Variants in WASHC3 observed in about 807,000 individuals in gnomAD.
The protein encoded by WASHC3 is WASH complex subunit CCDC53.
WASHC3 carries 24 observed loss-of-function variants against 26.1 expected under a neutral mutation model. The ratio of observed to expected loss-of-function variants is 0.92; its 90% CI spans 0.66 to 1.29. WASHC3 has a LOEUF of 1.29. WASHC3 is among the 50% of genes most tolerant of loss of function. WASHC3 has a pLI of 0.00. For missense variants in WASHC3, 214 were observed against 229.6 expected, an observed-to-expected ratio of 0.93 and a Z score of 0.44; for synonymous variants, 77 against 75.7, an observed-to-expected ratio of 1.02 and a Z score of -0.09.
intron 2 of WASHC3, among the ~76,000 whole-genome samples, chr12:102,056,226 T>C (rs1007157218): frequency 1.3e-5 from 2 of 152,360 alleles, no homozygotes; most frequent in South Asian, 2.1e-4. Context: ...GCCTAAGATA[T>C]CTGAGCATCT....
intron 2 of WASHC3, among the ~76,000 whole-genome samples, chr12:102,059,195 G>A (rs964907950): frequency 1.3e-5 from 2 of 152,092 alleles, no homozygotes; most frequent in Admixed American, 1.3e-4. Context: ...GATTTTAAGT[G>A]TGCTCACCAC....
intron 6 of WASHC3, among the ~76,000 whole-genome samples, chr12:102,019,051 A>C (rs1393040122): frequency 6.6e-6 from 1 of 152,090 alleles, no homozygotes; most frequent in Non-Finnish European, 1.5e-5. Flanking sequence ...TGCTCGCCTC[A>C]GCCTCCCAAA....
At position 102,053,703 on chromosome 12, in the gene WASHC3, T is replaced by C. The variant is rs116177781; in HGVS notation, c.150+7545A>G. ...TCAATGAAATCAAGAAAATAATAAA[T>C]GACCAAAATGAGAAATGTAACAGAA... On this transcript the variant is annotated intron_variant, in intron 2 of 6. Transcript: ENST00000240079. Among the ~76,000 whole-genome samples, 1,467 of 152,034 alleles carry C rather than the reference T, an allele frequency of 9.6e-3. 20 individuals carry two copies. Among genetic ancestry groups the C allele is most frequent in the African/African-American group, 0.033 (1,386 of 41,474 alleles).
At chr12:102,058,704 A>G (rs1427097823) in intron 2 of WASHC3, among the ~76,000 whole-genome samples, 1 of 152,182 alleles carries the variant, frequency 6.6e-6, no homozygotes, top group Admixed American at 6.5e-5. Flanking sequence ...ACTTCTGGGT[A>G]TATATCCAAA....
chr12:102,027,584 A>G (rs916478118), intron 5 of WASHC3, among the ~76,000 whole-genome samples: 6 of 152,196 alleles, frequency 3.9e-5, no homozygotes, highest in Non-Finnish European at 8.8e-5. Context: ...TTTATGTAAA[A>G]AAATTTAATT....
chr12:102,015,034 G>A (rs1036569877), intron 6 of WASHC3, among the ~76,000 whole-genome samples: 6 of 152,146 alleles, frequency 3.9e-5, no homozygotes, highest in African/African-American at 1.2e-4. Context: ...CAGGGATGTC[G>A]ATTCATGCCT....
At chr12:102,021,237 G>T (rs564517993) in intron 6 of WASHC3, among the ~76,000 whole-genome samples, 14 of 152,230 alleles carry the variant, frequency 9.2e-5, no homozygotes, top group African/African-American at 3.1e-4. Flanking sequence ...AGATCAATTT[G>T]GTCTTTTCTC....
At chr12:102,056,204 G>A (rs1594373050) in intron 2 of WASHC3, among the ~76,000 whole-genome samples, 1 of 152,222 alleles carries the variant, frequency 6.6e-6, no homozygotes, top group East Asian at 1.9e-4. Context: ...TGGCAATGGT[G>A]GACTTAATTC....
intron 2 of WASHC3, chr12:102,048,353 A>G (rs1477248140): frequency 6.6e-6 from 1 of 152,198 alleles, no homozygotes; most frequent in Non-Finnish European, 1.5e-5. Flanking sequence ...AGGCAGGTGT[A>G]TCATCTGAGG....
At chr12:102,016,674 T>A (rs1036826134) in intron 6 of WASHC3, among the ~76,000 whole-genome samples, 1 of 152,200 alleles carries the variant, frequency 6.6e-6, no homozygotes, top group African/African-American at 2.4e-5. Context: ...TCAGACAGGA[T>A]ATGGAGAACA....
chr12:102,061,650 G>A (rs761384626), intron 1 of WASHC3, among the ~76,000 whole-genome samples: 3 of 152,210 alleles, frequency 2.0e-5, no homozygotes, highest in Non-Finnish European at 2.9e-5. Context: ...TATCGCAACC[G>A]GCGTGTGTCG....
intron 2 of WASHC3, among the ~76,000 whole-genome samples, chr12:102,058,782 G>C (rs1878690595): frequency 1.3e-5 from 2 of 152,106 alleles, no homozygotes; most frequent in South Asian, 4.1e-4. Context: ...ATTCACAATA[G>C]CCAAGATACG....
intron 6 of WASHC3, among the ~76,000 whole-genome samples, chr12:102,016,956 A>G (rs1198091741): frequency 6.6e-6 from 1 of 152,208 alleles, no homozygotes; most frequent in Non-Finnish European, 1.5e-5. Context: ...CTAAGTGTAC[A>G]GTGTTTATGA....
chr12:102,034,815 TGA>T (rs1555201981), intron 5 of WASHC3, among the ~76,000 whole-genome samples: 141 of 146,498 alleles, frequency 9.6e-4, no homozygotes, highest in African/African-American at 2.4e-3. Flanking sequence ...TGTGTGTGTG[TGA>T]GTATGTAAAT....
At chr12:102,036,052 T>A (rs922025872) in intron 5 of WASHC3, among the ~76,000 whole-genome samples, 1 of 152,086 alleles carries the variant, frequency 6.6e-6, no homozygotes, top group African/African-American at 2.4e-5. Flanking sequence ...GTTTGTGGTT[T>A]TGTCTGATTA....
intron 6 of WASHC3, among the ~76,000 whole-genome samples, chr12:102,021,079 T>A (rs1876936976): frequency 6.6e-6 from 1 of 151,734 alleles, no homozygotes; most frequent in African/African-American, 2.4e-5. Flanking sequence ...CAAAATTCCA[T>A]CTCAAAAAAC....
At chr12:102,045,966 T>G in intron 3 of WASHC3, 88 bp downstream of exon 3, 1 of 733,798 alleles carries the variant, frequency 1.4e-6, no homozygotes. Flanking sequence ...ATGGAATCAC[T>G]CCCAAATGCA....
intron 2 of WASHC3, among the ~76,000 whole-genome samples, chr12:102,055,800 T>C (rs1004109248): frequency 2.6e-5 from 4 of 152,236 alleles, no homozygotes; most frequent in African/African-American, 7.2e-5. Context: ...ATGAGAATTT[T>C]TTGTTTCTGT....
At chr12:102,034,131 A>G (rs2121381422) in intron 5 of WASHC3, among the ~76,000 whole-genome samples, 1 of 152,218 alleles carries the variant, frequency 6.6e-6, no homozygotes, top group African/African-American at 2.4e-5. Flanking sequence ...CCTTATAGCC[A>G]GTGGTCAAAT....
Sources: allele counts gnomAD v4.1 joint callset (sites outside exome capture counted in the v4.1 genomes callset), GRCh38; gene constraint gnomAD v4.1.1; transcripts MANE v1.5; gene names NCBI Gene and HGNC (gene_info 2026-07-23, HGNC 2026-07-21).